The following CASP10 variants were observed in gnomAD, a reference collection of about 807,000 sequenced individuals.
CASP10 encodes caspase-10.
Under a neutral mutation model 48.5 loss-of-function variants are expected in CASP10, and 41 were observed. The observed-to-expected ratio is 0.85, with a 90% CI of 0.66 to 1.10. CASP10 has a LOEUF of 1.10. CASP10 is among the 50% of genes least tolerant of loss of function. The pLI is 0.00. For missense variants in CASP10, 614 were observed against 614.5 expected, an observed-to-expected ratio of 1.00 and a Z score of 0.01; for synonymous variants, 232 against 238.4, an observed-to-expected ratio of 0.97 and a Z score of 0.25.
At chr2:201,224,071 A>G (rs1350711139), downstream of CASP10, among the ~76,000 whole-genome samples, 1 of 150,656 alleles carries the variant, frequency 6.6e-6, no homozygotes, top group Non-Finnish European at 1.5e-5. Context: ...TCCCAGGTTC[A>G]TGCCATTCTC....
In CASP10 at chr2:201,217,743, A is replaced by G. The variant is rs758062780; in HGVS notation, c.*2A>G. On this transcript the variant is annotated 3_prime_UTR_variant, in exon 10 of 10. Coordinates refer to ENST00000286186, the MANE Select transcript of CASP10 (RefSeq NM_032977.4). ...CCCCTGGATGCACTTTCATTATAGC[A>G]GAGAGTTTTTGTTGGTTCTTAGACC... 3.1e-6 allele frequency: 5 copies of G among 1,613,802 alleles called. No homozygotes were observed. In the South Asian group the frequency reaches 5.5e-5, roughly 18 times the overall value.
intron 5 of CASP10, among the ~76,000 whole-genome samples, chr2:201,196,745 C>T (rs1398497877): frequency 6.6e-6 from 1 of 152,198 alleles, no homozygotes; most frequent in East Asian, 1.9e-4. Context: ...AATACCTTCA[C>T]ATTGTTGTGC....
intron 2 of CASP10, 96 bp from the exon 3 acceptor site, chr2:201,187,610 T>C (rs370129212): frequency 8.6e-6 from 8 of 928,352 alleles, no homozygotes; most frequent in Middle Eastern, 2.1e-4. Context: ...GAGTTGATCA[T>C]TCAAATGACA....
At chr2:201,210,971 A>C (rs1009750566) in intron 9 of CASP10, among the ~76,000 whole-genome samples, 1 of 152,204 alleles carries the variant, frequency 6.6e-6, no homozygotes, top group African/African-American at 2.4e-5. Flanking sequence ...TTGATACTTC[A>C]TAACTACATA....
chr2:201,197,328 G>C (rs1168243340), intron 5 of CASP10, among the ~76,000 whole-genome samples: 1 of 151,906 alleles, frequency 6.6e-6, no homozygotes, highest in South Asian at 2.1e-4. Flanking sequence ...ATATAAACAA[G>C]AGTTGGCCAG....
chr2:201,207,561 A>T (rs1232948615), intron 7 of CASP10, among the ~76,000 whole-genome samples: 1 of 152,118 alleles, frequency 6.6e-6, no homozygotes, highest in African/African-American at 2.4e-5. Flanking sequence ...GATCAAGACC[A>T]TCCTGGCCAA....
chr2:201,187,648 A>T (rs918107161), intron 2 of CASP10, 58 bp from the exon 3 acceptor site: 2 of 1,194,676 alleles, frequency 1.7e-6, no homozygotes, highest in Non-Finnish European at 2.5e-6. Flanking sequence ...CACTTGATTG[A>T]TTATGGTGTC....
Position 201,220,161 on chromosome 2 carries a change from ATT to A in CASP10, c.*2421_*2422del, listed in dbSNP as rs1393275539. 1.0e-6 allele frequency: 1 copy of A among 984,696 alleles called. No homozygotes were observed. Among genetic ancestry groups the A allele is most frequent in the Non-Finnish European group, 1.2e-6 (1 of 829,344 alleles). The allele number at this position is 984,696 out of a possible 1,614,324, so 61.0% of individuals were successfully genotyped here. A position where few individuals can be genotyped will look rare whatever the true frequency, so the allele number is the denominator to read the frequency against. ...TTGACAGAGGGAATGTCTAATCTAT[ATT>A]GACAGGGCAGGAACACCGTCATCTT... On this transcript the variant is annotated 3_prime_UTR_variant, in exon 10 of 10. Coordinates refer to ENST00000286186, the MANE Select transcript of CASP10 (RefSeq NM_032977.4).
intron 5 of CASP10, among the ~76,000 whole-genome samples, chr2:201,203,505 C>T (rs988347339): frequency 6.6e-6 from 1 of 152,114 alleles, no homozygotes; most frequent in South Asian, 2.1e-4. Flanking sequence ...TGGGGTTTCA[C>T]CATGTTAGTC....
rs41331447 is a variant in CASP10, at chr2:201,219,261, C to A, written c.*1520C>A. On this transcript the variant is annotated 3_prime_UTR_variant, in exon 10 of 10. Transcript: ENST00000286186. The stretch of plus-strand genomic sequence containing the variant: ...CTCCAGCTTGGGCAACAGGGCGAGA[C>A]CTTGTTTAAAAAAAAAATTCAATAT... 29 of 232,728 alleles carry A rather than the reference C, an allele frequency of 1.2e-4. No homozygotes were observed. Among genetic ancestry groups the A allele is most frequent in the Non-Finnish European group, 1.8e-4 (25 of 142,084 alleles). 14.4% of individuals were successfully genotyped at this position (232,728 alleles called of 1,614,324 possible). A position where few individuals can be genotyped will look rare whatever the true frequency, so the allele number is the denominator to read the frequency against.
rs1945652242 is a variant in CASP10 at position 201,218,944 on chromosome 2, TCTGCAAGCAGAAA to T, written c.*1206_*1218del. 3 of 985,328 alleles carry T rather than the reference TCTGCAAGCAGAAA, an allele frequency of 3.0e-6. No individual in the cohort carries two copies. The highest frequency in any genetic ancestry group is 6.1e-5 in the Admixed American group (1 of 16,264). The allele number at this position is 985,328 out of a possible 1,614,324, so 61.0% of individuals were successfully genotyped here. A position where few individuals can be genotyped will look rare whatever the true frequency, so the allele number is the denominator to read the frequency against. On this transcript the variant is annotated 3_prime_UTR_variant, in exon 10 of 10. Transcript: ENST00000286186. Reference sequence around the variant, plus strand: ...TGATGGCTCATTTACACTCAGCTGCTCTGCAAGCAGAAACTTTACAACCTGATGTCATATTCCA... The same window carrying T: ...TGATGGCTCATTTACACTCAGCTGCTCTTTACAACCTGATGTCATATTCCA...
rs759671327 is a variant in CASP10, at chr2:201,195,839, C to T, written c.578-3C>T. ...ATTTTTCTGTCTGTGATTTTATTTTCAGCTATCCAGATAGTGACACCTCCT... is the reference window on the plus strand; with the variant it reads ...ATTTTTCTGTCTGTGATTTTATTTTTAGCTATCCAGATAGTGACACCTCCT... On this transcript the variant is annotated splice_region_variant and splice_polypyrimidine_tract_variant and intron_variant, in intron 4 of 9. Coordinates refer to ENST00000286186, the MANE Select transcript of CASP10 (RefSeq NM_032977.4). The T allele has an allele frequency of 2.2e-5, 35 of 1,603,652 alleles. No homozygotes were observed. In the East Asian group the frequency reaches 4.0e-4, roughly 18 times the overall value.
At chr2:201,197,772 G>C (rs1331617167) in intron 5 of CASP10, among the ~76,000 whole-genome samples, 1 of 152,198 alleles carries the variant, frequency 6.6e-6, no homozygotes, top group Non-Finnish European at 1.5e-5. Context: ...GGACTCTTGG[G>C]CTGCTGCCAC....
chr2:201,209,922 G>A (rs1174551784), intron 9 of CASP10, among the ~76,000 whole-genome samples: 2 of 152,186 alleles, frequency 1.3e-5, no homozygotes, highest in African/African-American at 2.4e-5. Context: ...ACAAATAGAC[G>A]GGGAAGGGCA....
intron 2 of CASP10, among the ~76,000 whole-genome samples, 191 bp from the exon 3 acceptor site, chr2:201,187,515 T>C (rs1944455061): frequency 6.6e-6 from 1 of 152,172 alleles, no homozygotes; most frequent in African/African-American, 2.4e-5. Context: ...ACTTACTGTG[T>C]TATCTTTATT....
intron 1 of CASP10, 49 bp from the exon 2 acceptor site, chr2:201,185,721 CA>C: frequency 8.5e-7 from 1 of 1,176,064 alleles, no homozygotes; most frequent in East Asian, 2.3e-5. Flanking sequence ...GTCAGGGGGC[CA>C]TATGTCCTCA....
rs1685298756 is a variant in CASP10, at chr2:201,219,143, A to C, written c.*1402A>C. On this transcript the variant is annotated 3_prime_UTR_variant, in exon 10 of 10. Transcript: ENST00000286186. Reference sequence around the variant, plus strand: ...AAATTAGCCAGGTGTGGCGGCGAGCACCTGTAATCCCAGCTACTCGGGAGG... The same window carrying C: ...AAATTAGCCAGGTGTGGCGGCGAGCCCCTGTAATCCCAGCTACTCGGGAGG... 2 of 246,948 alleles carry C rather than the reference A, an allele frequency of 8.1e-6. No individual in the cohort carries two copies. Among genetic ancestry groups the C allele is most frequent in the African/African-American group, 4.6e-5 (2 of 43,066 alleles). The allele number at this position is 246,948 out of a possible 1,614,324, so 15.3% of individuals were successfully genotyped here. A position where few individuals can be genotyped will look rare whatever the true frequency, so the allele number is the denominator to read the frequency against.
intron 4 of CASP10, 68 bp downstream of exon 4, chr2:201,193,187 A>T: frequency 6.7e-7 from 1 of 1,492,526 alleles, no homozygotes; most frequent in Non-Finnish European, 9.3e-7. Context: ...GCCATGCATG[A>T]TGTTTTGATT....
At chr2:201,211,389 T>C (rs1470244478) in intron 9 of CASP10, among the ~76,000 whole-genome samples, 1 of 152,194 alleles carries the variant, frequency 6.6e-6, no homozygotes, top group Non-Finnish European at 1.5e-5. Context: ...CATCTTCCCT[T>C]CCCTCCTTCT....
Sources: gnomAD v4.1 joint callset for allele counts (sites outside exome capture counted in the v4.1 genomes callset) on GRCh38, gnomAD v4.1.1 for gene constraint, MANE v1.5 for transcripts, NCBI Gene and HGNC (gene_info 2026-07-23, HGNC 2026-07-21) for gene names.